UBR2: variants seen among roughly 807,000 people sequenced by gnomAD.
UBR2 encodes E3 ubiquitin-protein ligase UBR2.
UBR2 carries 92 observed loss-of-function variants against 247.9 expected under a neutral mutation model. The observed-to-expected ratio is 0.37, with a 90% CI of 0.31 to 0.44. The LOEUF (loss-of-function observed/expected upper bound fraction) is 0.44, where lower values mean the gene tolerates loss of function less well. Among genes scored for constraint, UBR2 ranks in the 20% least tolerant of loss-of-function variants. UBR2 has a pLI of 1.00. For synonymous variants in UBR2, 672 were observed against 693.5 expected, an observed-to-expected ratio of 0.97 and a Z score of 0.49; for missense variants, 1,613 against 2,112.6, an observed-to-expected ratio of 0.76 and a Z score of 4.64.
chr6:42,616,484 G>C (rs1368395316), intron 10 of UBR2, among the ~76,000 whole-genome samples: 2 of 151,386 alleles, frequency 1.3e-5, no homozygotes, highest in Admixed American at 6.6e-5. Flanking sequence ...TGCAGTCTTA[G>C]TCTTTAAAAA....
At chr6:42,620,119 C>A in intron 11 of UBR2, 1 of 687,434 alleles carries the variant, frequency 1.5e-6, no homozygotes, top group Non-Finnish European at 1.8e-6. Flanking sequence ...TAAACCAATT[C>A]ATGCTTCTGT....
intron 40 of UBR2, 45 bp downstream of exon 40, chr6:42,676,918 A>G (rs1342535484): frequency 1.4e-6 from 2 of 1,421,354 alleles, no homozygotes; most frequent in Non-Finnish European, 2.0e-6. Context: ...AAATATTGCT[A>G]GATGATGATA....
At chr6:42,675,927 A>T in intron 38 of UBR2, 129 bp from the exon 39 acceptor site, 1 of 1,323,922 alleles carries the variant, frequency 7.6e-7, no homozygotes, top group Non-Finnish European at 9.9e-7. Flanking sequence ...ATTGCACTCC[A>T]GCCTGGGCAA....
chr6:42,676,857 C>T lies in UBR2; in HGVS notation c.4462C>T (p.His1488Tyr). 1 of 1,613,558 alleles carries T rather than the reference C, an allele frequency of 6.2e-7. No homozygotes were observed. The highest frequency in any genetic ancestry group is 1.1e-5 in the South Asian group (1 of 91,066). ...SAVLALYKTL[H>Y]QYTGSALKEI... ...AGTTCTTGCTTTGTATAAAACACTT[C>T]ACCAGTATACGGGAAGGTGAGTTAG... Residue 1488 changes from histidine (H) to tyrosine (Y), a missense_variant, in exon 40 of 47, where the codon CAC becomes TAC. His to Tyr is a moderately conservative substitution (Grantham distance 83). Coordinates refer to ENST00000372901, the MANE Select transcript of UBR2 (RefSeq NM_001363705.2).
intron 36 of UBR2, among the ~76,000 whole-genome samples, chr6:42,671,525 A>C (rs1363335020): frequency 6.6e-6 from 1 of 152,082 alleles, no homozygotes; most frequent in African/African-American, 2.4e-5. Flanking sequence ...ACACTTTCTG[A>C]CTTCTATGAA....
chr6:42,639,157 T>G (rs1796278128), intron 15 of UBR2, among the ~76,000 whole-genome samples: 1 of 152,218 alleles, frequency 6.6e-6, no homozygotes, highest in South Asian at 2.1e-4. Flanking sequence ...ATGTTGAGAA[T>G]AAGCTATTAG....
intron 5 of UBR2, among the ~76,000 whole-genome samples, chr6:42,605,198 T>C (rs1017690328): frequency 1.3e-5 from 2 of 152,148 alleles, no homozygotes; most frequent in East Asian, 1.9e-4. Flanking sequence ...AGCCCATGGT[T>C]TCTCAACCTT....
At chr6:42,639,637 C>A (rs890797204) in intron 15 of UBR2, among the ~76,000 whole-genome samples, 1 of 152,132 alleles carries the variant, frequency 6.6e-6, no homozygotes, top group African/African-American at 2.4e-5. Context: ...CAGTAAGGAC[C>A]GTGAATTCCA....
Position 42,659,233 on chromosome 6 carries a change from C to T in UBR2, c.3242+409C>T, listed in dbSNP as rs1424771600. Among the ~76,000 whole-genome samples the T allele has an allele frequency of 1.3e-5, 2 of 152,026 alleles. No individual in the cohort carries two copies. Among genetic ancestry groups the T allele is most frequent in the Non-Finnish European group, 2.9e-5 (2 of 68,018 alleles). On this transcript the variant is annotated intron_variant, in intron 29 of 46. Transcript: ENST00000372901. The surrounding 1 kb of genome is among the most constrained non-coding windows in gnomAD (Gnocchi z 4.3). ...ATTCCTGGCTGTGCGTGGTGGCTCA[C>T]GCCTGTAATCCCAGCACTTCGGGAG...
chr6:42,619,453 A>ATATAATTTTTTTTT lies in UBR2; in HGVS notation c.1281+1947_1281+1948insATAATTTTTTTTTT. On this transcript the variant is annotated intron_variant, in intron 11 of 46. Coordinates refer to ENST00000372901, the MANE Select transcript of UBR2 (RefSeq NM_001363705.2). ...TATATATATATATATATATATATATATTTTTTTTTTTTAGTTCTCTATCTC... is the reference window on the plus strand; with the variant it reads ...TATATATATATATATATATATATATATATAATTTTTTTTTTTTTTTTTTTTTAGTTCTCTATCTC... The ATATAATTTTTTTTT allele has an allele frequency of 7.2e-4, 17 of 23,728 alleles. 1 individual carries two copies. The highest frequency in any genetic ancestry group is 2.0e-3 in the African/African-American group (16 of 8,100). The allele number at this position is 23,728 out of a possible 1,614,324, so 1.5% of individuals were successfully genotyped here.
chr6:42,681,486 A>G (rs1340448506), intron 42 of UBR2, among the ~76,000 whole-genome samples: 1 of 152,250 alleles, frequency 6.6e-6, no homozygotes, highest in Non-Finnish European at 1.5e-5. Flanking sequence ...TAAATAGCCA[A>G]AAAAGCATAC....
intron 40 of UBR2, 49 bp from the exon 41 acceptor site, chr6:42,678,490 G>A (rs1482876530): frequency 6.3e-7 from 1 of 1,583,212 alleles, no homozygotes; most frequent in Non-Finnish European, 8.6e-7. Flanking sequence ...TATAAGTACA[G>A]TGACCTTTTC....
intron 25 of UBR2, 36 bp from the exon 26 acceptor site, chr6:42,655,585 A>C: frequency 3.1e-6 from 4 of 1,306,932 alleles, no homozygotes; most frequent in Non-Finnish European, 4.2e-6. Context: ...TTGATTTTTT[A>C]AATTTTTACT....
chr6:42,671,080 G>A (rs1582700978), intron 36 of UBR2, among the ~76,000 whole-genome samples: 1 of 151,836 alleles, frequency 6.6e-6, no homozygotes, highest in South Asian at 2.1e-4. Flanking sequence ...AGCTACTCAG[G>A]AGGCAGAGGC....
chr6:42,642,809 C>T (rs1796524370), intron 18 of UBR2, among the ~76,000 whole-genome samples: 1 of 152,166 alleles, frequency 6.6e-6, no homozygotes, highest in Admixed American at 6.6e-5. Flanking sequence ...TCTTCATTGT[C>T]CTCTGGTTCT....
intron 15 of UBR2, among the ~76,000 whole-genome samples, chr6:42,637,872 A>G (rs1796201484): frequency 1.3e-5 from 2 of 152,146 alleles, no homozygotes; most frequent in South Asian, 4.1e-4. Context: ...TCTTGATTCT[A>G]GGTATTCTTT....
rs1200061694 is a variant in UBR2, at chr6:42,681,079, C to T, written c.4718+1247C>T. Among the ~76,000 whole-genome samples, 6 of 149,826 alleles carry T rather than the reference C, an allele frequency of 4.0e-5. No homozygotes were observed. In the East Asian group the frequency reaches 9.9e-4, roughly 25 times the overall value. ...TCGGGAGGCTGAGGCAGGAGAATGGCGTGAACCCGGGAGGCGGAGCTTGCA... is the reference window on the plus strand; with the variant it reads ...TCGGGAGGCTGAGGCAGGAGAATGGTGTGAACCCGGGAGGCGGAGCTTGCA... On this transcript the variant is annotated intron_variant, in intron 42 of 46. Coordinates refer to ENST00000372901, the MANE Select transcript of UBR2 (RefSeq NM_001363705.2).
At chr6:42,627,461 T>C (rs1246402760) in intron 11 of UBR2, among the ~76,000 whole-genome samples, 1 of 152,098 alleles carries the variant, frequency 6.6e-6, no homozygotes, top group African/African-American at 2.4e-5. Flanking sequence ...GGGAGTTTGT[T>C]TCAGGGAGAG....
intron 28 of UBR2, 55 bp from the exon 29 acceptor site, chr6:42,658,591 A>G (rs1217371252): frequency 1.3e-6 from 2 of 1,510,498 alleles, no homozygotes; most frequent in South Asian, 2.6e-5. Flanking sequence ...TCTGCTTTGG[A>G]AAAAAATGTG....
Sources: allele counts gnomAD v4.1 joint callset (sites outside exome capture counted in the v4.1 genomes callset), GRCh38; gene constraint gnomAD v4.1.1; non-coding constraint Gnocchi (gnomAD v3.1); transcripts MANE v1.5; gene names NCBI Gene and HGNC (gene_info 2026-07-23, HGNC 2026-07-21).